Variants in EHBP1 observed in about 807,000 individuals in gnomAD.
The protein encoded by EHBP1 is EH domain binding protein 1, also known as EH domain-binding protein 1.
EHBP1 carries 55 observed loss-of-function variants against 144.0 expected under a neutral mutation model. The ratio of observed to expected loss-of-function variants is 0.38; its 90% confidence interval spans 0.31 to 0.48. EHBP1 has a LOEUF of 0.48. Ranked by LOEUF, EHBP1 falls within the 20% of genes least tolerant of loss-of-function variation. EHBP1 has a pLI of 0.98. For synonymous variants in EHBP1, 469 were observed against 472.7 expected (o/e 0.99, Z 0.10); for missense variants, 1,200 against 1,364.2 (o/e 0.88, Z 1.90).
At position 62,720,765 on chromosome 2, in the gene EHBP1, C is replaced by T. The variant is rs62177750; in HGVS notation, c.104+13470C>T. 6.9e-3 allele frequency among the ~76,000 whole-genome samples: 1,047 copies of T among 152,278 alleles called. 7 individuals are homozygous for T. Among genetic ancestry groups the T allele is most frequent in the African/African-American group, 0.012 (513 of 41,556 alleles). ...CCAATCTTTTGGTTTCCCTGGGTCA[C>T]ACTGGAAGAAGAATTGTCTTGGGCC... is the stretch of plus-strand genomic sequence containing the variant. On this transcript the variant is annotated intron_variant, in intron 2 of 22. Transcript: ENST00000431489.
intron 8 of EHBP1, among the ~76,000 whole-genome samples, chr2:62,864,070 C>A (rs1205147657): frequency 6.6e-6 from 1 of 151,954 alleles, no homozygotes; most frequent in Non-Finnish European, 1.5e-5. Context: ...TGGTCTTGAA[C>A]TCCTTGACCT....
chr2:63,040,413 C>T (rs1218017646), intron 21 of EHBP1, among the ~76,000 whole-genome samples: 1 of 152,086 alleles, frequency 6.6e-6, no homozygotes, highest in Non-Finnish European at 1.5e-5. Flanking sequence ...AGGGCCATGA[C>T]ACATTAAATA....
rs11683932 is a variant in EHBP1, at chr2:62,822,676, G to C, written c.313-3411G>C. Among the ~76,000 whole-genome samples, 3 of 152,104 alleles carry C rather than the reference G, an allele frequency of 2.0e-5. No individual in the cohort carries two copies. The South Asian group carries it at 6.2e-4, about 31-fold the overall frequency. ...TGGCTGTATCAGTTGAAACTCTCCA[G>C]CAGTATAAGAGAGTTTGCATTGTTT... is the stretch of plus-strand genomic sequence containing the variant. On this transcript the variant is annotated intron_variant, in intron 5 of 22. Coordinates refer to ENST00000431489, the MANE Select transcript of EHBP1 (RefSeq NM_001142616.3).
At chr2:62,813,620 T>C (rs1320737895) in intron 5 of EHBP1, among the ~76,000 whole-genome samples, 2 of 152,118 alleles carry the variant, frequency 1.3e-5, no homozygotes, top group Non-Finnish European at 2.9e-5. Context: ...GTGGACTGAG[T>C]CCAGCAAAGC....
intron 10 of EHBP1, among the ~76,000 whole-genome samples, chr2:62,879,742 A>G (rs971019692): frequency 2.0e-5 from 3 of 152,182 alleles, no homozygotes; most frequent in African/African-American, 7.2e-5. Flanking sequence ...TTATATGCTC[A>G]TGGATCGGAA....
intron 3 of EHBP1, among the ~76,000 whole-genome samples, chr2:62,757,538 A>T (rs561466677): frequency 6.7e-6 from 1 of 149,444 alleles, no homozygotes; most frequent in African/African-American, 2.5e-5. Flanking sequence ...GGTTCATGCA[A>T]TTCTCCTGCC....
At chr2:63,002,513 TTCAG>T (rs1191919293) in intron 19 of EHBP1, among the ~76,000 whole-genome samples, 1 of 152,154 alleles carries the variant, frequency 6.6e-6, no homozygotes, top group African/African-American at 2.4e-5. Flanking sequence ...TGAATGCTGG[TTCAG>T]TCAATGTCAC....
chr2:62,762,640 G>A (rs1164669849), intron 3 of EHBP1, among the ~76,000 whole-genome samples: 2 of 152,144 alleles, frequency 1.3e-5, no homozygotes, highest in Non-Finnish European at 2.9e-5. Flanking sequence ...TAATCAGGCA[G>A]CACATCTTGT....
intron 13 of EHBP1, among the ~76,000 whole-genome samples, chr2:62,953,217 CAAAAAAAAAAAAA>C (rs35848429): frequency 1.6e-5 from 1 of 64,492 alleles, no homozygotes; most frequent in Admixed American, 2.2e-4. Flanking sequence ...AAGTCCGTCT[CAAAAAAAAAAAAA>C]AAAAAAAAAA....
intron 10 of EHBP1, among the ~76,000 whole-genome samples, chr2:62,926,365 A>G (rs1319227647): frequency 6.6e-6 from 1 of 152,182 alleles, no homozygotes; most frequent in African/African-American, 2.4e-5. Flanking sequence ...AAGCTTCTGC[A>G]CAGCAAAGAA....
At chr2:62,860,826 A>G (rs2049465338) in intron 8 of EHBP1, among the ~76,000 whole-genome samples, 1 of 152,200 alleles carries the variant, frequency 6.6e-6, no homozygotes, top group Non-Finnish European at 1.5e-5. Context: ...ATAAGATCAT[A>G]TTTCTATGAA....
At chr2:62,854,316 G>C (rs890586045) in intron 7 of EHBP1, among the ~76,000 whole-genome samples, 19 of 152,196 alleles carry the variant, frequency 1.2e-4, no homozygotes, top group African/African-American at 4.3e-4. Flanking sequence ...TGTTCACTGG[G>C]TTAGAACTTT....
intron 4 of EHBP1, among the ~76,000 whole-genome samples, chr2:62,770,347 G>A (rs1029513371): frequency 6.6e-6 from 1 of 152,106 alleles, no homozygotes; most frequent in African/African-American, 2.4e-5. Flanking sequence ...ATTAAAAAGT[G>A]GGCAAAGGAC....
At chr2:63,009,452 G>A (rs1282105068) in intron 19 of EHBP1, among the ~76,000 whole-genome samples, 1 of 151,554 alleles carries the variant, frequency 6.6e-6, no homozygotes, top group Non-Finnish European at 1.5e-5. Flanking sequence ...GGGTATGGGT[G>A]GGATTGCTGA....
At chr2:62,841,856 C>T (rs1165431161) in intron 7 of EHBP1, among the ~76,000 whole-genome samples, 2 of 151,974 alleles carry the variant, frequency 1.3e-5, no homozygotes, top group Non-Finnish European at 2.9e-5. Flanking sequence ...TCACCTTCTA[C>T]CTTGTCTTAG....
chr2:62,894,273 G>C (rs954225026), intron 10 of EHBP1, among the ~76,000 whole-genome samples: 2 of 152,100 alleles, frequency 1.3e-5, no homozygotes, highest in African/African-American at 4.8e-5. Context: ...ATTATAATTA[G>C]GGCTATAATA....
At chr2:62,981,795 C>T (rs1328141017) in intron 15 of EHBP1, among the ~76,000 whole-genome samples, 2 of 152,142 alleles carry the variant, frequency 1.3e-5, no homozygotes, top group Non-Finnish European at 2.9e-5. Flanking sequence ...GAGACTAGAA[C>T]AAGGAAAGCC....
At chr2:62,698,454 T>C (rs2034175070) in intron 1 of EHBP1, among the ~76,000 whole-genome samples, 1 of 152,200 alleles carries the variant, frequency 6.6e-6, no homozygotes, top group Admixed American at 6.5e-5. Context: ...ACTCAACTTA[T>C]TTCAGGGATA....
intron 1 of EHBP1, among the ~76,000 whole-genome samples, chr2:62,686,898 A>C (rs67959739): frequency 0.12 from 17,512 of 152,184 alleles, 1,247 homozygotes; most frequent in East Asian, 0.2. Context: ...ACTATGTACC[A>C]ACAAGTGTTC....
Sources: gnomAD v4.1 joint callset for allele counts (sites outside exome capture counted in the v4.1 genomes callset) on GRCh38, gnomAD v4.1.1 for gene constraint, MANE v1.5 for transcripts, NCBI Gene and HGNC (gene_info 2026-07-23, HGNC 2026-07-21) for gene names.